ELAVL2: variants seen among roughly 807,000 people sequenced by gnomAD.
ELAVL2 encodes the protein ELAV-like protein 2.
Under a neutral mutation model 34.6 loss-of-function variants are expected in ELAVL2, and 4 were observed. That is an observed-to-expected ratio of 0.12 (90% CI 0.06 to 0.26). The LOEUF (loss-of-function observed/expected upper bound fraction) is 0.26. ELAVL2 is among the 10% of genes least tolerant of loss of function. The pLI is 1.00. For synonymous variants in ELAVL2, 193 were observed against 154.8 expected, an observed-to-expected ratio of 1.25 and a Z score of -1.83; for missense variants, 432 against 442.8, an observed-to-expected ratio of 0.98 and a Z score of 0.22.
intron 3 of ELAVL2, among the ~76,000 whole-genome samples, chr9:23,726,723 AGTTT>A (rs2045279509): frequency 6.6e-6 from 1 of 152,112 alleles, no homozygotes; most frequent in Non-Finnish European, 1.5e-5. Flanking sequence ...GAATGATTTT[AGTTT>A]GCTAATCATG....
At chr9:23,749,064 C>T (rs902318553) in intron 2 of ELAVL2, among the ~76,000 whole-genome samples, 1 of 151,976 alleles carries the variant, frequency 6.6e-6, no homozygotes, top group South Asian at 2.1e-4. Context: ...ATAAGGGTGA[C>T]GGCTGCATAA....
At chr9:23,831,105 C>T (rs1252605752), upstream of ELAVL2, among the ~76,000 whole-genome samples, 1 of 152,224 alleles carries the variant, frequency 6.6e-6, no homozygotes, top group Non-Finnish European at 1.5e-5. Flanking sequence ...AGTCTTTTCT[C>T]TGGCCCCTTT....
At chr9:23,783,554 T>C in intron 1 of ELAVL2, 1 of 952,738 alleles carries the variant, frequency 1.0e-6, no homozygotes, top group Non-Finnish European at 1.2e-6. Context: ...TAGTCACCAC[T>C]AAAAGGACAC....
chr9:23,838,868 G>A, the ELAVL2 span, among the ~76,000 whole-genome samples: 2 of 152,068 alleles, frequency 1.3e-5, no homozygotes, highest in South Asian at 4.1e-4. Context: ...CTGGCTTCCG[G>A]ACAGGTACCA....
intron 3 of ELAVL2, among the ~76,000 whole-genome samples, chr9:23,706,686 T>G (rs1176005527): frequency 6.6e-6 from 1 of 152,196 alleles, no homozygotes; most frequent in African/African-American, 2.4e-5. Context: ...GGTAAAGTGA[T>G]AACTACTGCC....
At chr9:23,695,285 T>C (rs1361554419) in intron 5 of ELAVL2, among the ~76,000 whole-genome samples, 2 of 152,058 alleles carry the variant, frequency 1.3e-5, no homozygotes, top group African/African-American at 4.8e-5. Flanking sequence ...CATACTGAGG[T>C]CTCCAACCAA....
rs2033941667 is a variant in ELAVL2 at position 23,693,438 on chromosome 9, C to T, written c.752+10G>A. The T allele has an allele frequency of 6.2e-7, 1 of 1,613,996 alleles. No homozygotes were observed. On this transcript the variant is annotated intron_variant, in intron 6 of 6. Coordinates refer to ENST00000397312, the MANE Select transcript of ELAVL2 (RefSeq NM_004432.5). The stretch of plus-strand genomic sequence containing the variant: ...AAGGGATTATGAGTATCATGAACCT[C>T]TATCATTACCTCTTTACTCCATAAG...
chr9:23,748,918 C>G (rs2051193014), intron 2 of ELAVL2, among the ~76,000 whole-genome samples: 1 of 151,676 alleles, frequency 6.6e-6, no homozygotes, highest in African/African-American at 2.4e-5. Context: ...TATGGGGTAC[C>G]GAGAATAGGC....
intron 3 of ELAVL2, among the ~76,000 whole-genome samples, chr9:23,717,579 T>C (rs1477908186): frequency 2.0e-5 from 3 of 152,234 alleles, no homozygotes; most frequent in African/African-American, 7.2e-5. Context: ...AGACATTCCC[T>C]TATGTGTAAT....
At chr9:23,812,648 A>G (rs145088556) in intron 1 of ELAVL2, among the ~76,000 whole-genome samples, 1 of 152,112 alleles carries the variant, frequency 6.6e-6, no homozygotes, top group Admixed American at 6.5e-5. Flanking sequence ...CCTCTGAAAA[A>G]TAAGTTCCAA....
intron 4 of ELAVL2, among the ~76,000 whole-genome samples, chr9:23,702,973 A>C (rs957155429): frequency 1.6e-4 from 23 of 145,406 alleles, no homozygotes; most frequent in East Asian, 1.1e-3. Flanking sequence ...AAAAAAAAAA[A>C]AAAAAAAACA....
chr9:23,765,048 C>A (rs3793582), intron 1 of ELAVL2: 2 of 1,609,440 alleles, frequency 1.2e-6, no homozygotes, highest in Admixed American at 3.4e-5. Context: ...CACTTCTAAG[C>A]AGAGAAGCCA....
chr9:23,732,332 T>TA (rs1344886933), intron 2 of ELAVL2, among the ~76,000 whole-genome samples: 6 of 152,218 alleles, frequency 3.9e-5, no homozygotes, highest in Non-Finnish European at 8.8e-5. Flanking sequence ...CAGTGCCCAA[T>TA]ATGAAAACTA....
intron 1 of ELAVL2, among the ~76,000 whole-genome samples, chr9:23,824,250 A>G (rs908947660): frequency 6.6e-6 from 1 of 152,198 alleles, no homozygotes; most frequent in Non-Finnish European, 1.5e-5. Flanking sequence ...TCACAGTTGT[A>G]TAGCTTTCGT....
At chr9:23,695,116 C>T (rs1242561000) in intron 5 of ELAVL2, among the ~76,000 whole-genome samples, 2 of 152,018 alleles carry the variant, frequency 1.3e-5, no homozygotes, top group African/African-American at 4.8e-5. Context: ...GTCAAAGATG[C>T]CATGCCTTTA....
At chr9:23,772,408 A>C (rs1177703331) in intron 1 of ELAVL2, among the ~76,000 whole-genome samples, 2 of 152,114 alleles carry the variant, frequency 1.3e-5, no homozygotes, top group Admixed American at 1.3e-4. Flanking sequence ...TTAACTCACA[A>C]ATGTTATAAA....
intron 1 of ELAVL2, among the ~76,000 whole-genome samples, chr9:23,812,204 T>C (rs2063106323): frequency 6.6e-6 from 1 of 152,044 alleles, no homozygotes; most frequent in Non-Finnish European, 1.5e-5. Flanking sequence ...TTTATACAAG[T>C]CTCAACGTTC....
intron 4 of ELAVL2, 107 bp downstream of exon 4, chr9:23,704,811 A>G: frequency 7.1e-7 from 1 of 1,407,928 alleles, no homozygotes; most frequent in Admixed American, 2.1e-5. Flanking sequence ...GCCCACATAT[A>G]CCTTTGATAT....
chr9:23,737,325 C>G (rs1330939583), intron 2 of ELAVL2, among the ~76,000 whole-genome samples: 7 of 152,194 alleles, frequency 4.6e-5, no homozygotes, highest in Non-Finnish European at 1.0e-4. Flanking sequence ...AGATGGATTA[C>G]AGAACTTGTG....
Sources: gnomAD v4.1 joint callset for allele counts (sites outside exome capture counted in the v4.1 genomes callset) on GRCh38, gnomAD v4.1.1 for gene constraint, MANE v1.5 for transcripts, NCBI Gene and HGNC (gene_info 2026-07-23, HGNC 2026-07-21) for gene names.